PIEZO2: variants seen among roughly 807,000 people sequenced by gnomAD.
PIEZO2 encodes the protein piezo type mechanosensitive ion channel component 2, also known as piezo-type mechanosensitive ion channel component 2.
PIEZO2 carries 172 observed loss-of-function variants against 337.3 expected under a neutral mutation model. The ratio of observed to expected loss-of-function variants is 0.51; its 90% CI spans 0.45 to 0.58. The LOEUF is 0.58. Among genes scored for constraint, PIEZO2 ranks in the 20% least tolerant of loss-of-function variants. The pLI, the probability that PIEZO2 is intolerant of heterozygous loss-of-function variation, is 0.00. For missense variants in PIEZO2, 3,028 were observed against 3,391.3 expected, an observed-to-expected ratio of 0.89 and a Z score of 2.66; for synonymous variants, 1,251 against 1,228.5, an observed-to-expected ratio of 1.02 and a Z score of -0.38.
intron 2 of PIEZO2, among the ~76,000 whole-genome samples, chr18:10,996,277 C>T (rs2035316102): frequency 6.6e-6 from 1 of 152,124 alleles, no homozygotes; most frequent in African/African-American, 2.4e-5. Flanking sequence ...TATGTATGTG[C>T]TATAAACAAG....
At chr18:10,865,632 T>A (rs896371580) in intron 5 of PIEZO2, among the ~76,000 whole-genome samples, 6 of 152,178 alleles carry the variant, frequency 3.9e-5, no homozygotes, top group African/African-American at 1.2e-4. Context: ...GGGAAGGAGC[T>A]GTGTCTCCCG....
intron 1 of PIEZO2, among the ~76,000 whole-genome samples, chr18:11,144,904 G>A (rs1469223279): frequency 2.6e-5 from 4 of 152,166 alleles, no homozygotes; most frequent in South Asian, 4.1e-4. Context: ...CACTGGGCAA[G>A]ATGGAATAAA....
At chr18:11,121,126 G>A (rs747334752) in intron 1 of PIEZO2, among the ~76,000 whole-genome samples, 7 of 151,986 alleles carry the variant, frequency 4.6e-5, no homozygotes, top group Non-Finnish European at 1.0e-4. Flanking sequence ...GGTGATGCAC[G>A]CCTGTAGTTC....
intron 8 of PIEZO2, among the ~76,000 whole-genome samples, chr18:10,805,358 A>C (rs2039967324): frequency 6.6e-6 from 1 of 152,180 alleles, no homozygotes; most frequent in African/African-American, 2.4e-5. Context: ...TACTAAAAAT[A>C]CAAAAAAATT....
At chr18:10,932,266 C>T (rs549165162) in intron 3 of PIEZO2, among the ~76,000 whole-genome samples, 13 of 152,194 alleles carry the variant, frequency 8.5e-5, no homozygotes, top group African/African-American at 1.9e-4. Context: ...TATGGTGGCA[C>T]ATGCCTGTGG....
chr18:10,793,403 G>A (rs1032197005), intron 13 of PIEZO2, among the ~76,000 whole-genome samples: 2 of 152,072 alleles, frequency 1.3e-5, no homozygotes, highest in Non-Finnish European at 2.9e-5. Flanking sequence ...CTAGGTTCCC[G>A]GAGTAACTCT....
At position 10,856,716 on chromosome 18, in the gene PIEZO2, T is replaced by C. The variant is rs893609459; in HGVS notation, c.703+285A>G. Among the ~76,000 whole-genome samples the C allele has an allele frequency of 6.6e-6, 1 of 152,318 alleles. No individual in the cohort carries two copies. Among genetic ancestry groups the C allele is most frequent in the Non-Finnish European group, 1.5e-5 (1 of 68,036 alleles). ...CCAAAGCTCTAAGGAAGAGGATTGT[T>C]GTTATTCTAATCTAAACCTAGAAAA... On this transcript the variant is annotated intron_variant, in intron 6 of 55. Coordinates refer to ENST00000674853, the MANE Select transcript of PIEZO2 (RefSeq NM_001378183.1). The surrounding 1 kb of genome is among the most constrained non-coding windows in gnomAD (Gnocchi z 4.7).
rs779081442 is a variant in PIEZO2 at position 10,856,778 on chromosome 18, G to T, written c.703+223C>A. ...AGCATATATAGAAAAAGATTATTTT[G>T]CAGAGGTTAACAGAAACCATCTAAA... On this transcript the variant is annotated intron_variant, in intron 6 of 55. Coordinates refer to ENST00000674853, the MANE Select transcript of PIEZO2 (RefSeq NM_001378183.1). This position sits in a 1 kb window ranked among gnomAD's most constrained non-coding sequence, Gnocchi z 4.7. Among the ~76,000 whole-genome samples, 15 of 150,396 alleles carry T rather than the reference G, an allele frequency of 1.0e-4. No homozygotes were observed. Among genetic ancestry groups the T allele is most frequent in the Non-Finnish European group, 1.8e-4 (12 of 67,662 alleles).
At position 11,083,489 on chromosome 18, in the gene PIEZO2, G is replaced by A. The variant is rs1030760701; in HGVS notation, c.65-17267C>T. Among the ~76,000 whole-genome samples the A allele has an allele frequency of 4.6e-5, 7 of 152,186 alleles. No individual in the cohort carries two copies. The highest frequency in any genetic ancestry group is 1.0e-4 in the Non-Finnish European group (7 of 68,038). On this transcript the variant is annotated intron_variant, in intron 1 of 55. Transcript: ENST00000674853. The surrounding 1 kb of genome is among the most constrained non-coding windows in gnomAD (Gnocchi z 4.4). Reference sequence around the variant, plus strand: ...GCTGGCTGTGGCTTGGGGAAATGGAGGGGAACTAGAGAGAGGAGAAGCCTG... The same window carrying A: ...GCTGGCTGTGGCTTGGGGAAATGGAAGGGAACTAGAGAGAGGAGAAGCCTG...
chr18:11,031,989 A>G lies in PIEZO2; in HGVS notation c.160+34138T>C, dbSNP rs2036756164. On this transcript the variant is annotated intron_variant, in intron 2 of 55. Coordinates refer to ENST00000674853, the MANE Select transcript of PIEZO2 (RefSeq NM_001378183.1). This position sits in a 1 kb window ranked among gnomAD's most constrained non-coding sequence, Gnocchi z 4.7. ...GTTTCTCTCTGTCTCTCTCTCACAC[A>G]CATACGCATACACACAGATATTTAC... Among the ~76,000 whole-genome samples the G allele has an allele frequency of 6.6e-6, 1 of 152,078 alleles. No homozygotes were observed. The highest frequency in any genetic ancestry group is 2.1e-4 in the South Asian group (1 of 4,814).
chr18:11,084,131 C>G (rs1017193473), intron 1 of PIEZO2, among the ~76,000 whole-genome samples: 34 of 122,636 alleles, frequency 2.8e-4, no homozygotes, highest in African/African-American at 1.0e-3. Context: ...GAGCCAAGAT[C>G]ACATCATTTT....
chr18:10,777,109 C>A (rs1199970973), intron 18 of PIEZO2, among the ~76,000 whole-genome samples: 3 of 152,164 alleles, frequency 2.0e-5, no homozygotes, highest in Non-Finnish European at 4.4e-5. Context: ...TGCCTTCAAT[C>A]AGGCTGCTTT....
At chr18:11,050,827 G>A (rs930842168) in intron 2 of PIEZO2, among the ~76,000 whole-genome samples, 15 of 145,802 alleles carry the variant, frequency 1.0e-4, no homozygotes, top group African/African-American at 3.9e-4. Context: ...AATTTTGAGT[G>A]TAAATGCAAG....
chr18:10,706,329 TC>T (rs2143795346), intron 40 of PIEZO2, among the ~76,000 whole-genome samples: 1 of 152,328 alleles, frequency 6.6e-6, no homozygotes, highest in South Asian at 2.1e-4. Context: ...ACCCTGCTTT[TC>T]CATCCTTTGC....
chr18:10,825,125 A>C (rs2040630461), intron 7 of PIEZO2, among the ~76,000 whole-genome samples: 1 of 152,074 alleles, frequency 6.6e-6, no homozygotes, highest in African/African-American at 2.4e-5. Context: ...CGGCCTCCCA[A>C]AGTGCTGGGA....
At chr18:10,835,030 G>T (rs1389246698) in intron 7 of PIEZO2, among the ~76,000 whole-genome samples, 1 of 152,166 alleles carries the variant, frequency 6.6e-6, no homozygotes, top group Non-Finnish European at 1.5e-5. Flanking sequence ...CCTTATGAAA[G>T]GGACCCAGAG....
rs1192207574 is a variant in PIEZO2, at chr18:10,878,684, T to TGTC, written c.330-7272_330-7270dup. On this transcript the variant is annotated intron_variant, in intron 4 of 55. Coordinates refer to ENST00000674853, the MANE Select transcript of PIEZO2 (RefSeq NM_001378183.1). The surrounding 1 kb of genome is among the most constrained non-coding windows in gnomAD (Gnocchi z 4.3). ...TAAGCACTTACTATGTGCCAGACACTGTCTCTAAGCACAGAGTATTGGTTG... is the reference window on the plus strand; with the variant it reads ...TAAGCACTTACTATGTGCCAGACACTGTCGTCTCTAAGCACAGAGTATTGGTTG... Among the ~76,000 whole-genome samples, 1 of 152,016 alleles carries TGTC rather than the reference T, an allele frequency of 6.6e-6. No individual in the cohort carries two copies. Among genetic ancestry groups the TGTC allele is most frequent in the Non-Finnish European group, 1.5e-5 (1 of 68,018 alleles).
At chr18:10,752,489 A>G (rs1001978501) in intron 28 of PIEZO2, 147 bp downstream of exon 28, 8 of 1,035,320 alleles carry the variant, frequency 7.7e-6, no homozygotes, top group African/African-American at 1.6e-5. Flanking sequence ...GAGAGAAATA[A>G]ATGGTTTTTG....
rs540635532 is a variant in PIEZO2, at chr18:10,924,214, T to C, written c.287-12986A>G. On this transcript the variant is annotated intron_variant, in intron 3 of 55. Transcript: ENST00000674853. ...AGTTAAAATGAACATAAAGATGCTT[T>C]AGTGTCGCTTCTCTTTTTAATTTGG... 3.3e-5 allele frequency among the ~76,000 whole-genome samples: 5 copies of C among 152,328 alleles called. No homozygotes were observed. The South Asian group carries it at 8.3e-4, about 25-fold the overall frequency.
Sources: gnomAD v4.1 joint callset for allele counts (sites outside exome capture counted in the v4.1 genomes callset) on GRCh38, gnomAD v4.1.1 for gene constraint, Gnocchi (gnomAD v3.1) non-coding constraint, MANE v1.5 for transcripts, NCBI Gene and HGNC (gene_info 2026-07-23, HGNC 2026-07-21) for gene names.